Variants in ATE1 observed in about 807,000 individuals in gnomAD.
ATE1 encodes arginyltransferase 1.
In ATE1, 36 loss-of-function variants were observed where a neutral mutation model predicts 70.5. The observed-to-expected ratio is 0.51, with a 90% CI of 0.39 to 0.67. The LOEUF (loss-of-function observed/expected upper bound fraction) is 0.67, where lower values mean the gene tolerates loss of function less well. Ranked by LOEUF, ATE1 falls within the 30% of genes least tolerant of loss-of-function variation. The pLI is 0.00. For synonymous variants in ATE1, 232 were observed against 219.3 expected (o/e 1.06, Z -0.51); for missense variants, 593 against 629.5 (o/e 0.94, Z 0.62).
intron 10 of ATE1, among the ~76,000 whole-genome samples, chr10:121,804,955 C>T: frequency 6.6e-6 from 1 of 152,092 alleles, no homozygotes; most frequent in East Asian, 1.9e-4. Context: ...TAACTCTCTG[C>T]AGACTCCACT....
At chr10:121,888,301 G>A (rs1036320706) in intron 7 of ATE1, among the ~76,000 whole-genome samples, 21 of 152,272 alleles carry the variant, frequency 1.4e-4, no homozygotes, top group African/African-American at 4.6e-4. Context: ...GGCTGAGACA[G>A]GAGAATGGCA....
intron 8 of ATE1, among the ~76,000 whole-genome samples, chr10:121,852,582 G>T (rs576336631): frequency 6.6e-6 from 1 of 152,110 alleles, no homozygotes; most frequent in South Asian, 2.1e-4. Context: ...ATGGTGGCAG[G>T]TGTCTGTAAT....
intron 11 of ATE1, among the ~76,000 whole-genome samples, chr10:121,744,691 G>A (rs566563603): frequency 6.6e-6 from 1 of 152,298 alleles, no homozygotes; most frequent in South Asian, 2.1e-4. Flanking sequence ...GGAAGAGACC[G>A]TTGGTGGCTG....
At chr10:121,925,914 A>G (rs2134657627) in intron 1 of ATE1, among the ~76,000 whole-genome samples, 1 of 152,084 alleles carries the variant, frequency 6.6e-6, no homozygotes, top group South Asian at 2.1e-4. Flanking sequence ...TTAAAGTTAA[A>G]AAAGAAATGG....
intron 7 of ATE1, among the ~76,000 whole-genome samples, chr10:121,887,722 G>A (rs891881726): frequency 2.0e-5 from 3 of 151,376 alleles, no homozygotes; most frequent in African/African-American, 7.3e-5. Context: ...ACGATAAGAA[G>A]AAAAATAAAA....
intron 4 of ATE1, 71 bp downstream of exon 4, chr10:121,913,719 C>T: frequency 9.3e-7 from 1 of 1,073,548 alleles, no homozygotes; most frequent in East Asian, 2.4e-5. Flanking sequence ...CCTTCCCCTT[C>T]CCAAGATGAC....
At chr10:121,911,219 T>C (rs1378855247) in intron 4 of ATE1, 68 bp from the exon 5 acceptor site, 1 of 1,541,416 alleles carries the variant, frequency 6.5e-7, no homozygotes. Context: ...AATACAGAAA[T>C]ACAATGTTCC....
intron 10 of ATE1, among the ~76,000 whole-genome samples, chr10:121,817,254 G>GT (rs1590377638): frequency 1.3e-5 from 2 of 152,168 alleles, no homozygotes; most frequent in Non-Finnish European, 2.9e-5. Flanking sequence ...AAAAACATGA[G>GT]TTCAGGCCGG....
Position 121,911,018 on chromosome 10 carries a change from AT to A in ATE1, c.470del (p.Asn157IlefsTer17). On this transcript the variant is annotated frameshift_variant, in exon 5 of 12. Coordinates refer to ENST00000224652, the MANE Select transcript of ATE1 (RefSeq NM_001001976.3). LOFTEE classifies it high-confidence loss of function. Reference protein sequence around the residue: ...IKESLESEGKNSKKEEPQELL... With the variant: ...IKESLESEGKXSKKEEPQELL... ...ATTCCTGAGGTTCTTCTTTCTTTGA[AT>A]TTTTTCCTTCACTCTCTAAACTCTC... The A allele has an allele frequency of 6.2e-7, 1 of 1,613,844 alleles. No individual in the cohort carries two copies. The highest frequency in any genetic ancestry group is 8.5e-7 in the Non-Finnish European group (1 of 1,179,982).
At chr10:121,850,829 C>T (rs1453224238) in intron 8 of ATE1, among the ~76,000 whole-genome samples, 1 of 152,062 alleles carries the variant, frequency 6.6e-6, no homozygotes, top group African/African-American at 2.4e-5. Context: ...CAGTGGCTCA[C>T]GCCTGTAATC....
intron 3 of ATE1, among the ~76,000 whole-genome samples, chr10:121,921,546 G>C (rs1951881310): frequency 2.2e-5 from 1 of 44,460 alleles, no homozygotes; most frequent in Non-Finnish European, 5.0e-5. Context: ...TCTGTAACTA[G>C]TGACTTCAAG....
intron 7 of ATE1, among the ~76,000 whole-genome samples, chr10:121,885,844 G>A (rs1218681584): frequency 1.3e-5 from 2 of 152,224 alleles, no homozygotes; most frequent in Admixed American, 6.5e-5. Flanking sequence ...TTGTTGCAGT[G>A]AATCGAGATT....
chr10:121,895,124 C>T (rs116746579), intron 7 of ATE1, among the ~76,000 whole-genome samples: 39 of 152,148 alleles, frequency 2.6e-4, no homozygotes, highest in African/African-American at 9.4e-4. Flanking sequence ...CCCTCATACA[C>T]TTCCGGTGGG....
At chr10:121,877,516 C>T (rs575339026) in intron 7 of ATE1, among the ~76,000 whole-genome samples, 1 of 151,730 alleles carries the variant, frequency 6.6e-6, no homozygotes, top group African/African-American at 2.4e-5. Context: ...ATATATATAT[C>T]AAAAGACTCA....
chr10:121,916,237 A>AAAC (rs371403512), intron 3 of ATE1, among the ~76,000 whole-genome samples: 1 of 152,118 alleles, frequency 6.6e-6, no homozygotes, highest in African/African-American at 2.4e-5. Flanking sequence ...GAAAAACAAA[A>AAAC]AACAACAACA....
At chr10:121,865,602 CGG>C (rs967142636) in intron 8 of ATE1, among the ~76,000 whole-genome samples, 25 of 152,258 alleles carry the variant, frequency 1.6e-4, no homozygotes, top group Non-Finnish European at 2.4e-4. Flanking sequence ...GGCCGGGGTC[CGG>C]TGTAAGCCTA....
chr10:121,785,517 T>C (rs545375531), intron 11 of ATE1, among the ~76,000 whole-genome samples: 1 of 152,030 alleles, frequency 6.6e-6, no homozygotes, highest in Middle Eastern at 3.2e-3. Context: ...ACTTTTTCTG[T>C]GGGCATATGC....
intron 8 of ATE1, among the ~76,000 whole-genome samples, chr10:121,841,604 A>G (rs1948631506): frequency 6.6e-6 from 1 of 152,204 alleles, no homozygotes; most frequent in Admixed American, 6.5e-5. Context: ...GAACAAAATA[A>G]TGGCATTCGC....
chr10:121,839,575 TTTAAA>T (rs1176073643), intron 9 of ATE1, among the ~76,000 whole-genome samples: 6 of 152,206 alleles, frequency 3.9e-5, no homozygotes, highest in African/African-American at 7.2e-5. Context: ...ACATGAATAC[TTTAAA>T]TTATCAATTT....
Sources: gnomAD v4.1 joint callset for allele counts (sites outside exome capture counted in the v4.1 genomes callset) on GRCh38, gnomAD v4.1.1 for gene constraint, MANE v1.5 for transcripts, NCBI Gene and HGNC (gene_info 2026-07-23, HGNC 2026-07-21) for gene names.